The following GASK1B variants were observed in gnomAD, a reference collection of about 807,000 sequenced individuals.
GASK1B encodes the protein golgi associated kinase 1B.
GASK1B carries 34 observed loss-of-function variants against 42.8 expected under a neutral mutation model. That is an observed-to-expected ratio of 0.79 (90% confidence interval 0.60 to 1.06). The LOEUF is 1.06. Among genes scored for constraint, GASK1B ranks in the 50% least tolerant of loss-of-function variants. GASK1B has a pLI of 0.00. For synonymous variants in GASK1B, 262 were observed against 259.1 expected (o/e 1.01, Z -0.11); for missense variants, 686 against 661.0 (o/e 1.04, Z -0.42).
At chr4:158,140,385 T>C (rs919505659) in intron 3 of GASK1B, among the ~76,000 whole-genome samples, 7 of 152,212 alleles carry the variant, frequency 4.6e-5, no homozygotes, top group Non-Finnish European at 1.0e-4. Context: ...ACTTTTGCAC[T>C]GGTTGAACCA....
At chr4:158,137,139 G>C (rs1247514602) in intron 3 of GASK1B, among the ~76,000 whole-genome samples, 2 of 152,164 alleles carry the variant, frequency 1.3e-5, no homozygotes, top group Non-Finnish European at 2.9e-5. Flanking sequence ...CTTTTGGTTA[G>C]TTTCTTTATG....
intron 3 of GASK1B, among the ~76,000 whole-genome samples, chr4:158,138,017 C>T (rs1466184977): frequency 6.6e-6 from 1 of 152,054 alleles, no homozygotes; most frequent in Middle Eastern, 3.2e-3. Flanking sequence ...CAGTGTATAC[C>T]AACCCAGGGA....
chr4:158,168,396 C>CTA (rs760035305), intron 2 of GASK1B: 1 of 152,106 alleles, frequency 6.6e-6, no homozygotes, highest in African/African-American at 2.4e-5. Flanking sequence ...AGTCATAGTC[C>CTA]TATCACGTAA....
intron 3 of GASK1B, among the ~76,000 whole-genome samples, chr4:158,145,585 T>C (rs1368466127): frequency 6.6e-6 from 1 of 152,212 alleles, no homozygotes; most frequent in East Asian, 1.9e-4. Flanking sequence ...TCTGCAGGTT[T>C]TTCCATTTCT....
Position 158,155,746 on chromosome 4 carries a change from G to A in GASK1B, c.990C>T (p.Leu330=), listed in dbSNP as rs1314859935. The change falls in exon 3 of 5, where the codon CTC becomes CTT. Residue 330 remains leucine, a synonymous_variant. Coordinates refer to ENST00000585682, the MANE Select transcript of GASK1B (RefSeq NM_001128424.2). ...GCAACTGCTGATAAGTTCCCCAGGT[G>A]AGCTTAACAGAAGAATGGGTGTCAT... ...ASNDTHSSVK[L]TWGTYQQLLK... is the part of the protein sequence containing the mutation. 2 of 1,613,910 alleles carry A rather than the reference G, an allele frequency of 1.2e-6. No individual in the cohort carries two copies. Among genetic ancestry groups the A allele is most frequent in the East Asian group, 2.2e-5 (1 of 44,884 alleles).
At chr4:158,153,199 C>T (rs1029412395) in intron 3 of GASK1B, among the ~76,000 whole-genome samples, 4 of 152,124 alleles carry the variant, frequency 2.6e-5, no homozygotes, top group African/African-American at 9.7e-5. Flanking sequence ...CTGCTATACA[C>T]CAACAGCAAC....
At chr4:158,151,001 C>G (rs931846833) in intron 3 of GASK1B, among the ~76,000 whole-genome samples, 2 of 152,216 alleles carry the variant, frequency 1.3e-5, no homozygotes, top group Non-Finnish European at 2.9e-5. Flanking sequence ...CCTACTCACA[C>G]TCATAAAATA....
Position 158,130,914 on chromosome 4 carries a change from A to G in GASK1B, c.1224T>C (p.Gly408=). The G allele has an allele frequency of 6.2e-7, 1 of 1,614,086 alleles. No individual in the cohort carries two copies. Among genetic ancestry groups the G allele is most frequent in the African/African-American group, 1.3e-5 (1 of 75,038 alleles). Residue 408 remains glycine (G), a synonymous_variant, in exon 4 of 5, where the codon GGT becomes GGC. Transcript: ENST00000585682. ...GGATAATGTGTGCTAGAGCCGCAGA[A>G]CCTTGGTCATCACATTTTGGCCTCA... ...NGLRPKCDDQ[G]SAALAHIIQR...
At chr4:158,147,636 AT>A in intron 3 of GASK1B, among the ~76,000 whole-genome samples, 1 of 151,962 alleles carries the variant, frequency 6.6e-6, no homozygotes, top group African/African-American at 2.4e-5. Context: ...TTAAATTTAA[AT>A]TAAAAAAAAA....
rs942703238 is a variant in GASK1B at position 158,126,433 on chromosome 4, A to C, written c.*974T>G. 1 of 152,142 alleles carries C rather than the reference A, an allele frequency of 6.6e-6. No homozygotes were observed. Among genetic ancestry groups the C allele is most frequent in the Admixed American group, 6.6e-5 (1 of 15,266 alleles). 9.4% of individuals were successfully genotyped at this position (152,142 alleles called of 1,614,324 possible). A position where few individuals can be genotyped will look rare whatever the true frequency, so the allele number is the denominator to read the frequency against. On this transcript the variant is annotated 3_prime_UTR_variant, in exon 5 of 5. Coordinates refer to ENST00000585682, the MANE Select transcript of GASK1B (RefSeq NM_001128424.2). ...TAAGCCAGATAATATATTGAAACACACTCAATATTTGAACCAATTCTCAAT... is the reference window on the plus strand; with the variant it reads ...TAAGCCAGATAATATATTGAAACACCCTCAATATTTGAACCAATTCTCAAT...
rs1553958620 is a variant in GASK1B, at chr4:158,141,597, C to CATTTTTTTTTTTTTTTTTTTTTTTTTTT, written c.1126-10586_1126-10585insAAAAAAAAAAAAAAAAAAAAAAAAAAAT. 1.8e-5 allele frequency among the ~76,000 whole-genome samples: 2 copies of CATTTTTTTTTTTTTTTTTTTTTTTTTTT among 113,694 alleles called. 1 individual carries two copies. 74.6% of individuals were successfully genotyped at this position (113,694 alleles called of 152,430 possible). A position where few individuals can be genotyped will look rare whatever the true frequency, so the allele number is the denominator to read the frequency against. On this transcript the variant is annotated intron_variant, in intron 3 of 4. Coordinates refer to ENST00000585682, the MANE Select transcript of GASK1B (RefSeq NM_001128424.2). ...CATAGGTCAGTGCCTTTGTATTTAC[C>CATTTTTTTTTTTTTTTTTTTTTTTTTTT]TTTTTTTTTTTTTTTTTTTTTTTTT...
At chr4:158,146,337 A>G (rs1290821187) in intron 3 of GASK1B, among the ~76,000 whole-genome samples, 3 of 152,152 alleles carry the variant, frequency 2.0e-5, no homozygotes, top group Admixed American at 1.3e-4. Flanking sequence ...CGAAAGTCCA[A>G]ATGAAATTAT....
At chr4:158,158,246 C>G (rs1411647226) in intron 2 of GASK1B, among the ~76,000 whole-genome samples, 1 of 152,084 alleles carries the variant, frequency 6.6e-6, no homozygotes, top group Non-Finnish European at 1.5e-5. Flanking sequence ...AGCATGGTGC[C>G]TAACATAAAC....
At chr4:158,133,063 C>T (rs546166502) in intron 3 of GASK1B, among the ~76,000 whole-genome samples, 24 of 152,244 alleles carry the variant, frequency 1.6e-4, no homozygotes, top group African/African-American at 5.3e-4. Flanking sequence ...AGTCATTTTA[C>T]GCAGTACCTT....
intron 2 of GASK1B, 91 bp from the exon 3 acceptor site, chr4:158,155,916 G>T: frequency 1.0e-6 from 1 of 981,160 alleles, no homozygotes; most frequent in Non-Finnish European, 1.6e-6. Flanking sequence ...ACAGTCTCAC[G>T]CTCACCTATC....
intron 4 of GASK1B, among the ~76,000 whole-genome samples, chr4:158,129,430 G>C (rs1440579016): frequency 6.6e-6 from 1 of 152,148 alleles, no homozygotes; most frequent in Admixed American, 6.5e-5. Context: ...AGAGATGTGA[G>C]AAACAAGTGT....
chr4:158,168,188 G>T (rs1215345247), intron 2 of GASK1B, among the ~76,000 whole-genome samples: 1 of 152,142 alleles, frequency 6.6e-6, no homozygotes, highest in Non-Finnish European at 1.5e-5. Flanking sequence ...TTATTAAATT[G>T]AGTCATATTA....
intron 4 of GASK1B, among the ~76,000 whole-genome samples, chr4:158,128,698 G>A (rs1451959467): frequency 6.6e-6 from 1 of 152,190 alleles, no homozygotes. Context: ...GTGCCCGAAA[G>A]CCAAGGATCA....
chr4:158,167,588 T>C (rs116376382), intron 2 of GASK1B, among the ~76,000 whole-genome samples: 89 of 152,274 alleles, frequency 5.8e-4, no homozygotes, highest in African/African-American at 2.1e-3. Context: ...AAAATATTTA[T>C]TGAGCATCTA....
Sources: allele counts gnomAD v4.1 joint callset (sites outside exome capture counted in the v4.1 genomes callset), GRCh38; gene constraint gnomAD v4.1.1; transcripts MANE v1.5; gene names NCBI Gene and HGNC (gene_info 2026-07-23, HGNC 2026-07-21).